PLEKHA5: variants seen among roughly 807,000 people sequenced by gnomAD.
The protein encoded by PLEKHA5 is pleckstrin homology domain containing A5.
A neutral mutation model predicts 181.9 loss-of-function variants in PLEKHA5; 55 were observed. That is an observed-to-expected ratio of 0.30 (90% CI 0.24 to 0.38). The LOEUF is 0.38. PLEKHA5 is among the 10% of genes least tolerant of loss of function. The pLI, the probability that PLEKHA5 is intolerant of heterozygous loss-of-function variation, is 1.00. For synonymous variants in PLEKHA5, 535 were observed against 529.4 expected (o/e 1.01, Z -0.15); for missense variants, 1,432 against 1,549.5 (o/e 0.92, Z 1.27).
intron 25 of PLEKHA5, among the ~76,000 whole-genome samples, chr12:19,352,050 T>G (rs1340501220): frequency 8.1e-6 from 1 of 123,544 alleles, no homozygotes; most frequent in Non-Finnish European, 1.6e-5. Flanking sequence ...TACTCCAGCC[T>G]GGGCAACAAG....
intron 20 of PLEKHA5, among the ~76,000 whole-genome samples, chr12:19,327,339 A>G (rs895673862): frequency 6.7e-6 from 1 of 148,364 alleles, no homozygotes; most frequent in African/African-American, 2.5e-5. Context: ...TTCTCTGATG[A>G]TTAGTGATAT....
chr12:19,264,030 G>A (rs138429480), intron 7 of PLEKHA5, among the ~76,000 whole-genome samples: 1 of 151,444 alleles, frequency 6.6e-6, no homozygotes, highest in African/African-American at 2.5e-5. Context: ...TTAAGAAGCT[G>A]AAGAACTCAG....
intron 13 of PLEKHA5, among the ~76,000 whole-genome samples, 187 bp downstream of exon 13, chr12:19,287,743 C>T (rs1592332526): frequency 6.6e-6 from 1 of 152,148 alleles, no homozygotes; most frequent in Admixed American, 6.6e-5. Flanking sequence ...TTAGTGGATA[C>T]CTTTTCCTAA....
chr12:19,202,801 C>T (rs758287260), intron 3 of PLEKHA5, among the ~76,000 whole-genome samples: 1 of 151,720 alleles, frequency 6.6e-6, no homozygotes, highest in Non-Finnish European at 1.5e-5. Flanking sequence ...AAGGCAGATA[C>T]GTTTAAGTCA....
chr12:19,276,997 C>T (rs796865143), intron 11 of PLEKHA5, among the ~76,000 whole-genome samples: 9 of 151,802 alleles, frequency 5.9e-5, no homozygotes, highest in African/African-American at 2.2e-4. Context: ...ACCAGATTGA[C>T]CAAAATCATA....
Position 19,322,668 on chromosome 12 carries a change from G to A in PLEKHA5, c.2448+1G>A, listed in dbSNP as rs778830844. The A allele has an allele frequency of 2.5e-6, 4 of 1,598,930 alleles. No individual in the cohort carries two copies. The highest frequency in any genetic ancestry group is 1.3e-5 in the African/African-American group (1 of 74,188). On this transcript the variant is annotated splice_donor_variant, in intron 20 of 31. Transcript: ENST00000429027. LOFTEE classifies it high-confidence loss of function. Reference sequence around the variant, plus strand: ...TCGAGAACTTTCTCGAGCCACTGCCGTAAGTAGATTTTTTTTTTCCCCTAA... The same window carrying A: ...TCGAGAACTTTCTCGAGCCACTGCCATAAGTAGATTTTTTTTTTCCCCTAA...
intron 3 of PLEKHA5, among the ~76,000 whole-genome samples, chr12:19,244,106 G>A (rs746621): frequency 0.87 from 132,271 of 152,082 alleles, 58,811 homozygotes; most frequent in Middle Eastern, 0.97. Flanking sequence ...CATAGGCTGA[G>A]TTGATTTAAT....
chr12:19,233,621 T>C (rs2060963286), intron 3 of PLEKHA5, among the ~76,000 whole-genome samples: 1 of 152,152 alleles, frequency 6.6e-6, no homozygotes, highest in Non-Finnish European at 1.5e-5. Context: ...GCTGGCACTT[T>C]GAAGAAGAGA....
At position 19,290,873 on chromosome 12, in the gene PLEKHA5, G is replaced by C; in HGVS notation, c.1983+77G>C. ...AAACACTCATCAGTCAATATGATCAGCATCATTAGTGTTGAGCATGAGCCC... is the reference window on the plus strand; with the variant it reads ...AAACACTCATCAGTCAATATGATCACCATCATTAGTGTTGAGCATGAGCCC... On this transcript the variant is annotated intron_variant, in intron 14 of 31. Coordinates refer to ENST00000429027, the MANE Select transcript of PLEKHA5 (RefSeq NM_001256470.2). The C allele has an allele frequency of 3.0e-6, 4 of 1,319,736 alleles. No homozygotes were observed. The South Asian group carries it at 5.8e-5, about 19-fold the overall frequency. The allele number at this position is 1,319,736 out of a possible 1,614,324, so 81.8% of individuals were successfully genotyped here.
At chr12:19,181,039 T>TAAA (rs11285788) in intron 3 of PLEKHA5, among the ~76,000 whole-genome samples, 1 of 146,850 alleles carries the variant, frequency 6.8e-6, no homozygotes, top group Non-Finnish European at 1.5e-5. Flanking sequence ...GTTGAAATTG[T>TAAA]AAAAAAAAAA....
At chr12:19,233,926 C>T (rs1395869935) in intron 3 of PLEKHA5, among the ~76,000 whole-genome samples, 1 of 152,154 alleles carries the variant, frequency 6.6e-6, no homozygotes, top group East Asian at 1.9e-4. Context: ...AGTAGTGGAG[C>T]ATTGATCCGC....
intron 16 of PLEKHA5, among the ~76,000 whole-genome samples, chr12:19,319,365 C>G (rs2090028090): frequency 1.3e-5 from 2 of 152,018 alleles, no homozygotes; most frequent in Admixed American, 1.3e-4. Context: ...GTTTGGAATG[C>G]TTATATTTTT....
chr12:19,307,391 G>T, intron 15 of PLEKHA5: 1 of 272,470 alleles, frequency 3.7e-6, no homozygotes, highest in East Asian at 1.1e-4. Context: ...AGAATCGCCT[G>T]AATCCTGGAG....
intron 15 of PLEKHA5, among the ~76,000 whole-genome samples, chr12:19,304,467 T>G (rs1486093732): frequency 6.6e-6 from 1 of 152,214 alleles, no homozygotes. Context: ...TTTACTTAGT[T>G]TGAAGTTTTT....
chr12:19,132,300 C>G, intron 2 of PLEKHA5, 93 bp from the exon 3 acceptor site: 1 of 721,928 alleles, frequency 1.4e-6, no homozygotes, highest in Admixed American at 2.4e-5. Flanking sequence ...TTAATTAAAA[C>G]AGCTAATAAA....
At chr12:19,195,190 A>G (rs2052352918) in intron 3 of PLEKHA5, among the ~76,000 whole-genome samples, 1 of 152,154 alleles carries the variant, frequency 6.6e-6, no homozygotes, top group African/African-American at 2.4e-5. Flanking sequence ...ATCACACTCC[A>G]GATCTCTCCA....
chr12:19,326,997 T>C (rs770655599), intron 20 of PLEKHA5, among the ~76,000 whole-genome samples: 15 of 152,226 alleles, frequency 9.9e-5, no homozygotes, highest in Non-Finnish European at 2.2e-4. Context: ...TCCATGTCTT[T>C]GCTATTGTAA....
At chr12:19,218,944 ATT>A (rs1226278651) in intron 3 of PLEKHA5, among the ~76,000 whole-genome samples, 7 of 131,660 alleles carry the variant, frequency 5.3e-5, no homozygotes, top group Admixed American at 1.5e-4. Context: ...TTTTTTTTTA[ATT>A]TTTTTTTTTA....
chr12:19,152,873 A>G (rs1035571727), intron 3 of PLEKHA5: 7 of 152,134 alleles, frequency 4.6e-5, no homozygotes, highest in African/African-American at 1.7e-4. Flanking sequence ...TTTATCCATA[A>G]TATGTGTGGC....
Sources: allele counts gnomAD v4.1 joint callset (sites outside exome capture counted in the v4.1 genomes callset), GRCh38; gene constraint gnomAD v4.1.1; transcripts MANE v1.5; gene names NCBI Gene and HGNC (gene_info 2026-07-23, HGNC 2026-07-21).